PCYT1B: variants seen among roughly 807,000 people sequenced by gnomAD.
PCYT1B encodes the protein choline-phosphate cytidylyltransferase B.
Under a neutral mutation model 26.4 loss-of-function variants are expected in PCYT1B, and 10 were observed. That is an observed-to-expected ratio of 0.38 (90% CI 0.23 to 0.64). The LOEUF (loss-of-function observed/expected upper bound fraction) is 0.64. Among genes scored for constraint, PCYT1B ranks in the 30% least tolerant of loss-of-function variants. The probability of loss-of-function intolerance (pLI) is 0.56; values close to 1 mark genes in which losing one functional copy is unlikely to be tolerated. For synonymous variants in PCYT1B, 131 were observed against 108.4 expected (o/e 1.21, Z -1.29); for missense variants, 161 against 292.7 (o/e 0.55, Z 3.28).
chrX:24,570,375 T>C (rs1050902112), intron 7 of PCYT1B, among the ~76,000 whole-genome samples: 21 of 107,471 alleles, frequency 2.0e-4, no homozygotes, highest in Non-Finnish European at 3.1e-4. Flanking sequence ...TGCCTCAGCC[T>C]CCCGAGTAGC....
intron 1 of PCYT1B, among the ~76,000 whole-genome samples, chrX:24,661,443 C>T (rs767416418): frequency 1.2e-4 from 14 of 112,007 alleles, no homozygotes; most frequent in Admixed American, 1.0e-3. Flanking sequence ...TCAACTACTG[C>T]TAACATGACA....
chrX:24,570,311 T>A lies in PCYT1B; in HGVS notation c.897+4819A>T, dbSNP rs768213419. ...TCTTGTTCCCCAGGCTGGAGTGCAG[T>A]GGTGCAATCTCGAGTCATTGCAACC... is the stretch of plus-strand genomic sequence containing the variant. On this transcript the variant is annotated intron_variant, in intron 7 of 7. Coordinates refer to ENST00000379144, the MANE Select transcript of PCYT1B (RefSeq NM_004845.5). Among the ~76,000 whole-genome samples, 5 of 109,370 alleles carry A rather than the reference T, an allele frequency of 4.6e-5. No homozygotes were observed. In the Admixed American group the frequency reaches 4.9e-4, roughly 11 times the overall value. The allele number at this position is 109,370 out of a possible 115,157, so 95.0% of individuals were successfully genotyped here.
At chrX:24,619,328 G>A (rs1925625885) in intron 1 of PCYT1B, among the ~76,000 whole-genome samples, 1 of 111,837 alleles carries the variant, frequency 8.9e-6, no homozygotes, top group South Asian at 3.8e-4. Context: ...TAGTATGCCA[G>A]GTACTAGATG....
chrX:24,603,621 G>A (rs1305829837), intron 3 of PCYT1B, among the ~76,000 whole-genome samples: 1 of 110,066 alleles, frequency 9.1e-6, no homozygotes, highest in Admixed American at 9.7e-5. Flanking sequence ...TACTTGGGAG[G>A]CTAAGATGGG....
chrX:24,587,072 C>G (rs753499041), intron 5 of PCYT1B, among the ~76,000 whole-genome samples, 169 bp downstream of exon 5: 9 of 112,208 alleles, frequency 8.0e-5, no homozygotes, highest in Non-Finnish European at 1.7e-4. Context: ...TGTGCCATAA[C>G]TGAGCCTTAG....
chrX:24,669,299 G>C (rs1046183846), intron 1 of PCYT1B, among the ~76,000 whole-genome samples: 9 of 109,728 alleles, frequency 8.2e-5, no homozygotes, highest in Non-Finnish European at 1.3e-4. Context: ...GGCAGATCAC[G>C]TGAGGTCAGG....
At chrX:24,636,918 T>C (rs1485916250) in intron 1 of PCYT1B, among the ~76,000 whole-genome samples, 7 of 112,005 alleles carry the variant, frequency 6.2e-5, no homozygotes, top group African/African-American at 1.9e-4. Context: ...CATTAAATTG[T>C]GTGAGTGTAC....
chrX:24,560,508 C>T lies in PCYT1B; in HGVS notation c.*1785G>A, dbSNP rs1473734910. 8.9e-6 allele frequency: 1 copy of T among 112,114 alleles called. No individual in the cohort carries two copies. Among genetic ancestry groups the T allele is most frequent in the African/African-American group, 3.3e-5 (1 of 30,721 alleles). The allele number at this position is 112,114 out of a possible 1,213,427, so 9.2% of individuals were successfully genotyped here. A position where few individuals can be genotyped will look rare whatever the true frequency, so the allele number is the denominator to read the frequency against. ...CTTCACATGCCATGTTCCTGCCAGC[C>T]CTCTGTCCCATATGAGTGCTTCCCA... On this transcript the variant is annotated 3_prime_UTR_variant, in exon 8 of 8. Coordinates refer to ENST00000379144, the MANE Select transcript of PCYT1B (RefSeq NM_004845.5).
chrX:24,584,830 T>G (rs141288431), intron 5 of PCYT1B, among the ~76,000 whole-genome samples: 31 of 111,828 alleles, frequency 2.8e-4, no homozygotes, highest in African/African-American at 1.0e-3. Flanking sequence ...GTGTTCAGCC[T>G]TCAACTTCTA....
intron 1 of PCYT1B, among the ~76,000 whole-genome samples, chrX:24,626,671 A>G (rs1207292759): frequency 8.9e-6 from 1 of 112,100 alleles, no homozygotes; most frequent in African/African-American, 3.2e-5. Context: ...AATAAAAACT[A>G]TTATCCAGAA....
At chrX:24,592,953 GC>G (rs1166583963) in intron 3 of PCYT1B, among the ~76,000 whole-genome samples, 2 of 111,115 alleles carry the variant, frequency 1.8e-5, no homozygotes, top group African/African-American at 3.3e-5. Flanking sequence ...TGCTCTTGTT[GC>G]CCAGGCTGGA....
intron 3 of PCYT1B, 116 bp downstream of exon 3, chrX:24,607,629 C>A (rs972166592): frequency 8.8e-6 from 4 of 455,562 alleles, no homozygotes; most frequent in Non-Finnish European, 1.6e-5. Flanking sequence ...CCAGTATGGG[C>A]TGAATTGGAA....
At chrX:24,591,260 A>G (rs928274253) in intron 3 of PCYT1B, among the ~76,000 whole-genome samples, 1 of 111,749 alleles carries the variant, frequency 8.9e-6, no homozygotes, top group African/African-American at 3.3e-5. Flanking sequence ...TGGCCAAGGC[A>G]GCTTTCCTAA....
chrX:24,624,033 G>C lies in PCYT1B; in HGVS notation c.118-4949C>G, dbSNP rs774123708. On this transcript the variant is annotated intron_variant, in intron 1 of 7. Transcript: ENST00000379144. ...GTCGCCCAGGCTGGAGTGCAGTGGC[G>C]CAATCTGCTCACTGCAAGCTCCACT... is the stretch of plus-strand genomic sequence containing the variant. Among the ~76,000 whole-genome samples the C allele has an allele frequency of 1.1e-4, 11 of 102,505 alleles. No individual in the cohort carries two copies. In the South Asian group the frequency reaches 5.1e-3, roughly 48 times the overall value. The allele number at this position is 102,505 out of a possible 115,157, so 89.0% of individuals were successfully genotyped here.
chrX:24,604,156 G>C (rs189859402), intron 3 of PCYT1B, among the ~76,000 whole-genome samples: 1 of 108,861 alleles, frequency 9.2e-6, no homozygotes, highest in South Asian at 4.1e-4. Context: ...GCATGATCTC[G>C]GCTCACTGCA....
chrX:24,566,707 C>G (rs1923641922), intron 7 of PCYT1B, among the ~76,000 whole-genome samples: 1 of 111,663 alleles, frequency 9.0e-6, no homozygotes, highest in Non-Finnish European at 1.9e-5. Context: ...ATTAAGGCCA[C>G]AGGCGCATCA....
At position 24,560,438 on chromosome X, in the gene PCYT1B, G is replaced by A. The variant is rs1436068774; in HGVS notation, c.*1855C>T. ...AATGAGGCCCTTGTCCCTCTCTGAA[G>A]AGCAATATTCTGGGTGGCCCTTGAC... On this transcript the variant is annotated 3_prime_UTR_variant, in exon 8 of 8. Transcript: ENST00000379144. 1 of 111,804 alleles carries A rather than the reference G, an allele frequency of 8.9e-6. No individual in the cohort carries two copies. The highest frequency in any genetic ancestry group is 1.9e-5 in the Non-Finnish European group (1 of 53,166). 9.2% of individuals were successfully genotyped at this position (111,804 alleles called of 1,213,427 possible).
chrX:24,617,422 T>C (rs1925543750), intron 2 of PCYT1B, among the ~76,000 whole-genome samples: 1 of 101,614 alleles, frequency 9.8e-6, no homozygotes, highest in African/African-American at 3.6e-5. Context: ...CATAGAGTTA[T>C]GCCATGTTAT....
At chrX:24,602,659 A>G (rs1414950753) in intron 3 of PCYT1B, among the ~76,000 whole-genome samples, 1 of 111,184 alleles carries the variant, frequency 9.0e-6, no homozygotes, top group Non-Finnish European at 1.9e-5. Context: ...TTTCCAGTCA[A>G]TTTTTCTGTG....
Sources: allele counts gnomAD v4.1 joint callset (sites outside exome capture counted in the v4.1 genomes callset), GRCh38; gene constraint gnomAD v4.1.1; transcripts MANE v1.5; gene names NCBI Gene and HGNC (gene_info 2026-07-23, HGNC 2026-07-21).